The following GHR variants were observed in gnomAD, a reference collection of about 807,000 sequenced individuals.
The protein encoded by GHR is GH receptor.
In GHR, 35 loss-of-function variants were observed where a neutral mutation model predicts 67.1. The observed-to-expected ratio is 0.52, with a 90% confidence interval of 0.40 to 0.69. The LOEUF is 0.69. Among genes scored for constraint, GHR ranks in the 30% least tolerant of loss-of-function variants. The pLI, the probability that GHR is intolerant of heterozygous loss-of-function variation, is 0.00. For synonymous variants in GHR, 272 were observed against 269.1 expected (o/e 1.01, Z -0.10); for missense variants, 792 against 764.6 (o/e 1.04, Z -0.42).
chr5:42,433,382 T>C (rs539925285), intron 1 of GHR, among the ~76,000 whole-genome samples: 124 of 152,274 alleles, frequency 8.1e-4, no homozygotes, highest in African/African-American at 2.8e-3. Flanking sequence ...GCCTACAGGA[T>C]GTAAGTCTGG....
chr5:42,567,437 T>C (rs1309908548), intron 2 of GHR, among the ~76,000 whole-genome samples: 6 of 152,218 alleles, frequency 3.9e-5, no homozygotes, highest in Non-Finnish European at 8.8e-5. Context: ...TTGCTTTTAA[T>C]GTTTGCTTTT....
At chr5:42,629,155 T>C (rs1753838439) in intron 3 of GHR, 52 bp downstream of exon 3, 1 of 933,218 alleles carries the variant, frequency 1.1e-6, no homozygotes, top group Non-Finnish European at 1.7e-6. Context: ...CATGTTTTAG[T>C]GTAATTAAGC....
chr5:42,639,756 G>GT (rs1368882698), intron 3 of GHR, among the ~76,000 whole-genome samples: 2 of 152,160 alleles, frequency 1.3e-5, no homozygotes, highest in Admixed American at 6.5e-5. Flanking sequence ...TCAGTGGCTT[G>GT]TGTACACATG....
intron 4 of GHR, 78 bp downstream of exon 4, chr5:42,689,097 G>A (rs1757299516): frequency 5.0e-6 from 6 of 1,193,628 alleles, no homozygotes; most frequent in South Asian, 1.2e-5. Flanking sequence ...TGTACTGTGG[G>A]AATGGAAGTG....
chr5:42,587,577 A>G (rs893963437), intron 2 of GHR, among the ~76,000 whole-genome samples: 3 of 152,152 alleles, frequency 2.0e-5, no homozygotes, highest in African/African-American at 7.2e-5. Flanking sequence ...CTGCACAAAT[A>G]TAACTGCCTG....
chr5:42,439,906 C>G (rs1171420005), intron 1 of GHR, among the ~76,000 whole-genome samples: 1 of 152,138 alleles, frequency 6.6e-6, no homozygotes, highest in African/African-American at 2.4e-5. Context: ...TGTTTTTTCT[C>G]CATACAGCTT....
At position 42,699,890 on chromosome 5, in the gene GHR, C is replaced by A; in HGVS notation, c.506C>A (p.Ala169Glu). 6.2e-7 allele frequency: 1 copy of A among 1,605,648 alleles called. No homozygotes were observed. The highest frequency in any genetic ancestry group is 8.5e-7 in the Non-Finnish European group (1 of 1,172,350). ...AACGTCAGTTTAACTGGGATTCATG[C>A]AGATATCCAAGTGAGATGGGAAGCA... is the stretch of plus-strand genomic sequence containing the variant. ...LLNVSLTGIH[A>E]DIQVRWEAPR... Residue 169 changes from alanine (A) to glutamate (E), a missense_variant, in exon 6 of 10, where the codon GCA becomes GAA. Coordinates refer to ENST00000230882, the MANE Select transcript of GHR (RefSeq NM_000163.5).
chr5:42,477,052 T>C (rs1294233216), intron 1 of GHR, among the ~76,000 whole-genome samples: 2 of 109,668 alleles, frequency 1.8e-5, no homozygotes, highest in East Asian at 6.4e-4. Flanking sequence ...CCCACAACAG[T>C]CCCCAGTGTG....
rs545542775 is a variant in GHR, at chr5:42,628,449, T to C, written c.71-589T>C. On this transcript the variant is annotated intron_variant, in intron 2 of 9. Transcript: ENST00000230882. The stretch of plus-strand genomic sequence containing the variant: ...GGCCGTCAGATTCAGTTTGGTTCTG[T>C]ATGTTTCAGGGAGGCAGGAATTACA... Among the ~76,000 whole-genome samples the C allele has an allele frequency of 2.3e-5, 3 of 131,836 alleles. No homozygotes were observed. The East Asian group carries it at 6.2e-4, about 27-fold the overall frequency. The allele number at this position is 131,836 out of a possible 152,430, so 86.5% of individuals were successfully genotyped here. A position where few individuals can be genotyped will look rare whatever the true frequency, so the allele number is the denominator to read the frequency against.
chr5:42,678,426 G>A (rs73097922), intron 3 of GHR, among the ~76,000 whole-genome samples: 11,656 of 152,188 alleles, frequency 0.077, 518 homozygotes, highest in Middle Eastern at 0.14. Flanking sequence ...ACTTAGTGTA[G>A]GGGTAAAAGG....
chr5:42,520,129 C>T (rs1227108161), intron 1 of GHR, among the ~76,000 whole-genome samples: 2 of 152,172 alleles, frequency 1.3e-5, no homozygotes, highest in Admixed American at 6.6e-5. Flanking sequence ...AAGGCAATCC[C>T]AGGGAATTTA....
intron 3 of GHR, among the ~76,000 whole-genome samples, chr5:42,680,057 A>G (rs548829294): frequency 7.9e-5 from 12 of 152,358 alleles, no homozygotes; most frequent in African/African-American, 2.9e-4. Context: ...TTTTTAAATA[A>G]CTGATACATT....
chr5:42,605,268 T>A (rs1752575843), intron 2 of GHR, among the ~76,000 whole-genome samples: 2 of 151,778 alleles, frequency 1.3e-5, no homozygotes, highest in Admixed American at 6.6e-5. Context: ...CACGCCCGGC[T>A]AATTTTGTAT....
intron 1 of GHR, among the ~76,000 whole-genome samples, chr5:42,431,591 CAG>C (rs1743096841): frequency 6.6e-6 from 1 of 152,208 alleles, no homozygotes; most frequent in Non-Finnish European, 1.5e-5. Flanking sequence ...ACTTCTTCTA[CAG>C]AGTCTTTCAA....
intron 1 of GHR, chr5:42,548,454 A>T: frequency 1.0e-6 from 1 of 985,078 alleles, no homozygotes; most frequent in Non-Finnish European, 1.2e-6. Flanking sequence ...GAAATTTAAA[A>T]AGTTCTTGAT....
chr5:42,502,636 A>T (rs1292819621), intron 1 of GHR, among the ~76,000 whole-genome samples: 7 of 151,982 alleles, frequency 4.6e-5, no homozygotes, highest in Non-Finnish European at 1.0e-4. Flanking sequence ...AAGCACTGTC[A>T]TCTCCATCTA....
At chr5:42,602,245 C>G in intron 2 of GHR, among the ~76,000 whole-genome samples, 1 of 152,126 alleles carries the variant, frequency 6.6e-6, no homozygotes, top group East Asian at 1.9e-4. Flanking sequence ...GATAGTCTTT[C>G]TGCTGTACGT....
At chr5:42,557,337 A>G (rs1036419844) in intron 1 of GHR, among the ~76,000 whole-genome samples, 5 of 152,102 alleles carry the variant, frequency 3.3e-5, no homozygotes, top group Non-Finnish European at 7.4e-5. Flanking sequence ...CGAAGAGCAC[A>G]TTTGCTGATT....
intron 3 of GHR, among the ~76,000 whole-genome samples, chr5:42,633,774 C>T (rs953468286): frequency 1.3e-5 from 2 of 152,192 alleles, no homozygotes; most frequent in African/African-American, 4.8e-5. Flanking sequence ...TCTCCCTTTT[C>T]TCTTATGTAC....
Sources: allele counts gnomAD v4.1 joint callset (sites outside exome capture counted in the v4.1 genomes callset), GRCh38; gene constraint gnomAD v4.1.1; transcripts MANE v1.5; gene names NCBI Gene and HGNC (gene_info 2026-07-23, HGNC 2026-07-21).